Variants in CNTN1 observed in about 807,000 individuals in gnomAD.
CNTN1 encodes contactin-1.
Under a neutral mutation model 126.4 loss-of-function variants are expected in CNTN1, and 38 were observed. That is an observed-to-expected ratio of 0.30 (90% CI 0.23 to 0.39). The LOEUF (loss-of-function observed/expected upper bound fraction) is 0.39, where lower values mean the gene tolerates loss of function less well. Among genes scored for constraint, CNTN1 ranks in the 10% least tolerant of loss-of-function variants. The pLI, the probability that CNTN1 is intolerant of heterozygous loss-of-function variation, is 1.00. For synonymous variants in CNTN1, 413 were observed against 422.6 expected (o/e 0.98, Z 0.28); for missense variants, 1,009 against 1,248.4 (o/e 0.81, Z 2.89).
At chr12:40,828,251 C>G (rs915817674) in intron 1 of CNTN1, 1 of 152,050 alleles carries the variant, frequency 6.6e-6, no homozygotes, top group Non-Finnish European at 1.5e-5. Flanking sequence ...TTCAAATGGA[C>G]AATTTGCAAT....
At chr12:41,055,225 T>C (rs1006137274) in intron 23 of CNTN1, among the ~76,000 whole-genome samples, 4 of 152,124 alleles carry the variant, frequency 2.6e-5, no homozygotes, top group Admixed American at 2.0e-4. Flanking sequence ...TAACTTTACA[T>C]TAATTTAGAG....
chr12:40,722,564 T>G (rs1457509233), intron 1 of CNTN1, among the ~76,000 whole-genome samples: 1 of 152,136 alleles, frequency 6.6e-6, no homozygotes, highest in Admixed American at 6.6e-5. Context: ...AGAGTCAAAA[T>G]AGTTATTGAA....
At chr12:40,967,368 T>G (rs1019571129) in intron 15 of CNTN1, among the ~76,000 whole-genome samples, 5 of 151,586 alleles carry the variant, frequency 3.3e-5, no homozygotes, top group Non-Finnish European at 7.4e-5. Context: ...TAGTCCCCCC[T>G]GCTTGGGAGG....
At chr12:40,895,811 G>T (rs1022349337) in intron 1 of CNTN1, 6 of 146,746 alleles carry the variant, frequency 4.1e-5, no homozygotes, top group Admixed American at 3.4e-4. Flanking sequence ...AGGCTGGAGT[G>T]CAGTGGCGCG....
At chr12:40,736,729 A>G (rs2121287589) in intron 1 of CNTN1, among the ~76,000 whole-genome samples, 1 of 152,252 alleles carries the variant, frequency 6.6e-6, no homozygotes, top group Admixed American at 6.5e-5. Flanking sequence ...TAAACAAATG[A>G]AAATATTTAA....
At chr12:40,899,958 C>T (rs12578762) in intron 1 of CNTN1, among the ~76,000 whole-genome samples, 14,926 of 151,918 alleles carry the variant, frequency 0.098, 865 homozygotes, top group Non-Finnish European at 0.13. Flanking sequence ...AAGTAATAAA[C>T]GATAAGGGAT....
chr12:40,729,224 T>A (rs1244206931), intron 1 of CNTN1: 1 of 188,388 alleles, frequency 5.3e-6, no homozygotes, highest in Non-Finnish European at 1.1e-5. Context: ...GACTTGTATC[T>A]AAGCTGCTAG....
intron 1 of CNTN1, among the ~76,000 whole-genome samples, chr12:40,883,743 G>C (rs182554297): frequency 1.3e-5 from 2 of 151,640 alleles, no homozygotes; most frequent in Admixed American, 1.3e-4. Flanking sequence ...CTTGTTACAG[G>C]CTTATTTAAA....
chr12:41,043,607 T>G (rs1300523057), intron 23 of CNTN1, among the ~76,000 whole-genome samples: 1 of 152,084 alleles, frequency 6.6e-6, no homozygotes, highest in African/African-American at 2.4e-5. Flanking sequence ...CTCAGGGGTC[T>G]AGAACTAGAA....
chr12:41,033,408 A>G (rs1314922493), intron 23 of CNTN1, among the ~76,000 whole-genome samples: 1 of 152,240 alleles, frequency 6.6e-6, no homozygotes, highest in Non-Finnish European at 1.5e-5. Flanking sequence ...ATTTTAGAAT[A>G]TCAATTGACA....
chr12:40,809,847 C>CACACACACAA (rs1240596738), intron 1 of CNTN1, among the ~76,000 whole-genome samples: 2 of 133,422 alleles, frequency 1.5e-5, no homozygotes, highest in Non-Finnish European at 3.3e-5. Flanking sequence ...CACACACACA[C>CACACACACAA]ACAAAAGTCA....
intron 1 of CNTN1, among the ~76,000 whole-genome samples, chr12:40,833,888 T>C (rs1008914325): frequency 4.6e-5 from 7 of 152,242 alleles, no homozygotes; most frequent in Non-Finnish European, 8.8e-5. Flanking sequence ...ATCTTTATAC[T>C]TGAATATAGA....
intron 23 of CNTN1, among the ~76,000 whole-genome samples, chr12:41,064,584 T>A (rs1469620856): frequency 3.3e-5 from 5 of 152,214 alleles, no homozygotes; most frequent in African/African-American, 1.2e-4. Context: ...ATAAGCAGAG[T>A]CCCACATGTT....
Position 41,025,272 on chromosome 12 carries a change from G to T in CNTN1, c.2646G>T (p.Gly882=), listed in dbSNP as rs897553441. 2 of 1,613,852 alleles carry T rather than the reference G, an allele frequency of 1.2e-6. No individual in the cohort carries two copies. The highest frequency in any genetic ancestry group is 2.7e-5 in the African/African-American group (2 of 75,000). The change falls in exon 21 of 24, where the codon GGG becomes GGT. Residue 882 remains glycine (G), a synonymous_variant. Coordinates refer to ENST00000551295, the MANE Select transcript of CNTN1 (RefSeq NM_001843.4). ...ACACCCAGTATTTTATAGAAGTCGGGGCCTGCAATAGTGCAGGGTGTGGAC... is the reference window on the plus strand; with the variant it reads ...ACACCCAGTATTTTATAGAAGTCGGTGCCTGCAATAGTGCAGGGTGTGGAC... The part of the protein sequence containing the change: ...LPDTQYFIEV[G]ACNSAGCGPP...
chr12:40,747,624 C>T (rs545779674), intron 1 of CNTN1, among the ~76,000 whole-genome samples: 2 of 151,922 alleles, frequency 1.3e-5, no homozygotes, highest in Non-Finnish European at 2.9e-5. Context: ...ATCAGTTTGG[C>T]TGCTGGATGG....
chr12:40,768,273 C>G (rs889603513), intron 1 of CNTN1, among the ~76,000 whole-genome samples: 3 of 152,184 alleles, frequency 2.0e-5, no homozygotes, highest in Non-Finnish European at 4.4e-5. Context: ...TTGAAGGTCA[C>G]GTAGCTGGTA....
chr12:40,804,062 C>T (rs1343307061), intron 1 of CNTN1, among the ~76,000 whole-genome samples: 1 of 151,918 alleles, frequency 6.6e-6, no homozygotes, highest in Non-Finnish European at 1.5e-5. Flanking sequence ...CTACTAATTG[C>T]TCTAGAGACT....
intron 1 of CNTN1, among the ~76,000 whole-genome samples, chr12:40,739,178 T>A (rs1162613154): frequency 1.3e-5 from 2 of 151,980 alleles, no homozygotes; most frequent in Admixed American, 6.6e-5. Context: ...CTAAGAAAAA[T>A]GAGAAGAAAT....
At chr12:40,871,848 G>A (rs1943509537) in intron 1 of CNTN1, among the ~76,000 whole-genome samples, 1 of 152,010 alleles carries the variant, frequency 6.6e-6, no homozygotes, top group Non-Finnish European at 1.5e-5. Context: ...AAAAAATGCA[G>A]ATTTTTTGGC....
Sources: allele counts gnomAD v4.1 joint callset (sites outside exome capture counted in the v4.1 genomes callset), GRCh38; gene constraint gnomAD v4.1.1; transcripts MANE v1.5; gene names NCBI Gene and HGNC (gene_info 2026-07-23, HGNC 2026-07-21).